The following UBLCP1 variants were observed in gnomAD, a reference collection of about 807,000 sequenced individuals.
UBLCP1 encodes the protein ubiquitin like domain containing CTD phosphatase 1.
In UBLCP1, 28 loss-of-function variants were observed where a neutral mutation model predicts 42.4. That is an observed-to-expected ratio of 0.66 (90% confidence interval 0.49 to 0.90). The LOEUF (loss-of-function observed/expected upper bound fraction) is 0.90, where lower values mean the gene tolerates loss of function less well. Ranked by LOEUF, UBLCP1 falls within the 40% of genes least tolerant of loss-of-function variation. The pLI is 0.00. For missense variants in UBLCP1, 279 were observed against 374.5 expected, an observed-to-expected ratio of 0.75 and a Z score of 2.10; for synonymous variants, 122 against 120.8, an observed-to-expected ratio of 1.01 and a Z score of -0.07.
rs1448666380 is a variant in UBLCP1 at position 159,270,103 on chromosome 5, A to T, written c.246+104A>T. The T allele has an allele frequency of 2.9e-6, 3 of 1,040,316 alleles. No individual in the cohort carries two copies. The South Asian group carries it at 4.9e-5, about 17-fold the overall frequency. The allele number at this position is 1,040,316 out of a possible 1,614,324, so 64.4% of individuals were successfully genotyped here. ...ATTGTGGTAAAATTGTCAGTCTAGC[A>T]ATCAATGAAAAATAAAACCCGCACC... On this transcript the variant is annotated intron_variant, in intron 3 of 10. Coordinates refer to ENST00000296786, the MANE Select transcript of UBLCP1 (RefSeq NM_145049.5).
chr5:159,270,476 T>C (rs750326038), intron 4 of UBLCP1, 31 bp downstream of exon 4: 2 of 1,606,308 alleles, frequency 1.2e-6, no homozygotes, highest in Admixed American at 3.4e-5. Context: ...AAGTAATCAG[T>C]TGTCATGTGA....
chr5:159,283,292 A>C lies in UBLCP1; in HGVS notation c.882A>C (p.Ile294=). 1 of 1,604,278 alleles carries C rather than the reference A, an allele frequency of 6.2e-7. No homozygotes were observed. The highest frequency in any genetic ancestry group is 8.5e-7 in the Non-Finnish European group (1 of 1,176,478). ...LLKLTQYLKE[I]AKLDDFLDLN... is the part of the protein sequence containing the mutation. ...AATTAACTCAGTACCTCAAGGAGAT[A>C]GCAAAATTAGATGACTTTTTGGATC... is the stretch of plus-strand genomic sequence containing the variant. Residue 294 remains isoleucine (I), a synonymous_variant, in exon 10 of 11, where the codon ATA becomes ATC. Transcript: ENST00000296786.
rs34999232 is a variant in UBLCP1, at chr5:159,273,834, T to TCACACACACACA, written c.548-727_548-716dup. Among the ~76,000 whole-genome samples, 135 of 148,684 alleles carry TCACACACACACA rather than the reference T, an allele frequency of 9.1e-4. 1 individual carries two copies. Among genetic ancestry groups the TCACACACACACA allele is most frequent in the African/African-American group, 3.3e-3 (133 of 40,378 alleles). On this transcript the variant is annotated intron_variant, in intron 6 of 10. Coordinates refer to ENST00000296786, the MANE Select transcript of UBLCP1 (RefSeq NM_145049.5). ...CAGGTTCCTCTTTTGCTTTTAAAAATCACACACACACACACACACACACAC... is the reference window on the plus strand; with the variant it reads ...CAGGTTCCTCTTTTGCTTTTAAAAATCACACACACACACACACACACACACACACACACACAC...
chr5:159,267,047 TG>T (rs1010765311), intron 1 of UBLCP1, among the ~76,000 whole-genome samples: 2 of 152,056 alleles, frequency 1.3e-5, no homozygotes, highest in African/African-American at 4.8e-5. Flanking sequence ...CACTGCCTAG[TG>T]GAGCTGAGAG....
chr5:159,281,989 T>A (rs188945066), intron 9 of UBLCP1, among the ~76,000 whole-genome samples: 2 of 152,206 alleles, frequency 1.3e-5, no homozygotes, highest in African/African-American at 2.4e-5. Context: ...TTTAGGAATA[T>A]GTATGATTTT....
intron 8 of UBLCP1, among the ~76,000 whole-genome samples, chr5:159,276,246 C>T (rs1286167280): frequency 6.6e-6 from 1 of 152,088 alleles, no homozygotes; most frequent in Admixed American, 6.5e-5. Flanking sequence ...TAAGATTGAG[C>T]CACTGCACTC....
At chr5:159,264,235 C>T (rs1753343582) in intron 1 of UBLCP1, among the ~76,000 whole-genome samples, 1 of 152,140 alleles carries the variant, frequency 6.6e-6, no homozygotes, top group Non-Finnish European at 1.5e-5. Context: ...CCTAGGTTGA[C>T]CATATGGAAG....
At chr5:159,280,867 C>CT (rs746900736) in intron 9 of UBLCP1, among the ~76,000 whole-genome samples, 16 of 152,142 alleles carry the variant, frequency 1.1e-4, no homozygotes, top group Non-Finnish European at 2.1e-4. Flanking sequence ...CGGCTGAAAA[C>CT]TCCATTTTTA....
At position 159,275,388 on chromosome 5, in the gene UBLCP1, A is replaced by G. The variant is rs1183347465; in HGVS notation, c.684+142A>G. ...GTTGAGTTTTGACATAGGAAAATGTATTTAAGGTTAAAAGATTTTTTTTTT... is the reference window on the plus strand; with the variant it reads ...GTTGAGTTTTGACATAGGAAAATGTGTTTAAGGTTAAAAGATTTTTTTTTT... On this transcript the variant is annotated intron_variant, in intron 8 of 10. Transcript: ENST00000296786. 1.2e-5 allele frequency: 4 copies of G among 337,196 alleles called. No individual in the cohort carries two copies. The East Asian group carries it at 1.9e-4, about 16-fold the overall frequency. 20.9% of individuals were successfully genotyped at this position (337,196 alleles called of 1,614,324 possible). A position where few individuals can be genotyped will look rare whatever the true frequency, so the allele number is the denominator to read the frequency against.
rs980544716 is a variant in UBLCP1, at chr5:159,275,155, G to C, written c.593G>C (p.Gly198Ala). The change falls in exon 8 of 11, where the codon GGA becomes GCA. Residue 198 changes from glycine to alanine, a missense_variant. Coordinates refer to ENST00000296786, the MANE Select transcript of UBLCP1 (RefSeq NM_145049.5). ...KWIEAKMKEL[G>A]VSTNANYKIT... ...AAATATTTGTGTTTATAGGAGCTGG[G>C]AGTGAGCACAAATGCAAATTATAAG... The C allele has an allele frequency of 1.2e-6, 2 of 1,612,884 alleles. No individual in the cohort carries two copies. Among genetic ancestry groups the C allele is most frequent in the Non-Finnish European group, 1.7e-6 (2 of 1,179,484 alleles).
At chr5:159,283,604 A>T (rs546343784) in intron 10 of UBLCP1, among the ~76,000 whole-genome samples, 2 of 152,192 alleles carry the variant, frequency 1.3e-5, no homozygotes, top group Non-Finnish European at 2.9e-5. Flanking sequence ...TATGTTGGTG[A>T]TGCTGCCTGT....
chr5:159,274,549 T>C, intron 6 of UBLCP1, 36 bp from the exon 7 acceptor site: 1 of 1,572,520 alleles, frequency 6.4e-7, no homozygotes, highest in Admixed American at 1.9e-5. Context: ...ATTCAAGCTT[T>C]TCATATGTAT....
At chr5:159,284,798 C>T (rs1445760311) in intron 10 of UBLCP1, 106 bp from the exon 11 acceptor site, 5 of 1,152,114 alleles carry the variant, frequency 4.3e-6, no homozygotes, top group South Asian at 3.7e-5. Context: ...GAATACTCAT[C>T]TTGAAATGTT....
intron 1 of UBLCP1, among the ~76,000 whole-genome samples, chr5:159,266,298 T>C (rs1392908991): frequency 6.6e-6 from 1 of 152,166 alleles, no homozygotes; most frequent in Non-Finnish European, 1.5e-5. Flanking sequence ...TTGTTATGTA[T>C]TAGCAAAGGT....
chr5:159,270,970 ATATG>A (rs1299086859), intron 5 of UBLCP1, among the ~76,000 whole-genome samples: 2 of 151,078 alleles, frequency 1.3e-5, no homozygotes, highest in African/African-American at 4.8e-5. Context: ...TGATATATAT[ATATG>A]TGTGTGTGTG....
At chr5:159,276,928 G>GT (rs963111857) in intron 8 of UBLCP1, among the ~76,000 whole-genome samples, 58 of 151,988 alleles carry the variant, frequency 3.8e-4, no homozygotes, top group African/African-American at 1.2e-3. Flanking sequence ...GTATTTTCAT[G>GT]TTTTTTTTCT....
chr5:159,265,440 G>A (rs1200552993), intron 1 of UBLCP1, among the ~76,000 whole-genome samples: 1 of 152,196 alleles, frequency 6.6e-6, no homozygotes, highest in Non-Finnish European at 1.5e-5. Context: ...AGAGACATAT[G>A]TTTGGTTATT....
chr5:159,274,103 G>A (rs1753505351), intron 6 of UBLCP1, among the ~76,000 whole-genome samples: 2 of 152,130 alleles, frequency 1.3e-5, no homozygotes, highest in Admixed American at 1.3e-4. Flanking sequence ...AATTTGCTGA[G>A]ACTGACAAAA....
At chr5:159,281,886 A>G (rs1753613029) in intron 9 of UBLCP1, among the ~76,000 whole-genome samples, 1 of 151,690 alleles carries the variant, frequency 6.6e-6, no homozygotes, top group Non-Finnish European at 1.5e-5. Context: ...CTAATGACCA[A>G]TTTGCATTTT....
Sources: allele counts gnomAD v4.1 joint callset (sites outside exome capture counted in the v4.1 genomes callset), GRCh38; gene constraint gnomAD v4.1.1; transcripts MANE v1.5; gene names NCBI Gene and HGNC (gene_info 2026-07-23, HGNC 2026-07-21).